Variants in UTP20 observed in about 807,000 individuals in gnomAD.
UTP20 encodes UTP20 small subunit processome component.
In UTP20, 164 loss-of-function variants were observed where a neutral mutation model predicts 329.5. That is an observed-to-expected ratio of 0.50 (90% CI 0.44 to 0.57). UTP20 has a LOEUF of 0.57. Among genes scored for constraint, UTP20 ranks in the 20% least tolerant of loss-of-function variants. UTP20 has a pLI of 0.00. For synonymous variants in UTP20, 1,151 were observed against 1,159.3 expected (o/e 0.99, Z 0.14); for missense variants, 3,055 against 3,284.2 (o/e 0.93, Z 1.71).
intron 38 of UTP20, among the ~76,000 whole-genome samples, chr12:101,349,014 A>G (rs1869425718): frequency 6.6e-6 from 1 of 151,828 alleles, no homozygotes; most frequent in Non-Finnish European, 1.5e-5. Context: ...TTCTAGATTG[A>G]CAGGTTTATT....
rs549641642 is a variant in UTP20 at position 101,310,577 on chromosome 12, C to CAAAAAAAAAAAAAAAA, written c.2231+744_2231+759dup. On this transcript the variant is annotated intron_variant, in intron 19 of 61. Transcript: ENST00000261637. ...GCAACAAGAGTGAAACTCTGTCTCCCAAAAAAAAAAAAAAAAAAAAATACA... is the reference window on the plus strand; with the variant it reads ...GCAACAAGAGTGAAACTCTGTCTCCCAAAAAAAAAAAAAAAAAAAAAAAAAAAAAAAAAAAAATACA... Among the ~76,000 whole-genome samples the CAAAAAAAAAAAAAAAA allele has an allele frequency of 4.5e-4, 20 of 44,364 alleles. 1 individual carries two copies. Among genetic ancestry groups the CAAAAAAAAAAAAAAAA allele is most frequent in the African/African-American group, 1.3e-3 (12 of 9,140 alleles). 29.1% of individuals were successfully genotyped at this position (44,364 alleles called of 152,430 possible). A position where few individuals can be genotyped will look rare whatever the true frequency, so the allele number is the denominator to read the frequency against.
At position 101,385,497 on chromosome 12, in the gene UTP20, A is replaced by T. The variant is rs893004126; in HGVS notation, c.8057-86A>T. On this transcript the variant is annotated intron_variant, in intron 60 of 61. Coordinates refer to ENST00000261637, the MANE Select transcript of UTP20 (RefSeq NM_014503.3). ...CTTGCCAGATCAGTAGCTGGATATA[A>T]ATGTTGTACATATTGTTGATTTTGT... 3 of 1,458,326 alleles carry T rather than the reference A, an allele frequency of 2.1e-6. No individual in the cohort carries two copies. In the African/African-American group the frequency reaches 4.3e-5, roughly 21 times the overall value. The allele number at this position is 1,458,326 out of a possible 1,614,324, so 90.3% of individuals were successfully genotyped here. A position where few individuals can be genotyped will look rare whatever the true frequency, so the allele number is the denominator to read the frequency against.
At chr12:101,297,301 G>A (rs888117000) in intron 12 of UTP20, among the ~76,000 whole-genome samples, 6 of 152,042 alleles carry the variant, frequency 3.9e-5, no homozygotes, top group African/African-American at 1.2e-4. Flanking sequence ...CTGCAGCCTC[G>A]ATCTCCAGGG....
chr12:101,335,868 A>G (rs1425834422), intron 29 of UTP20, among the ~76,000 whole-genome samples: 1 of 152,214 alleles, frequency 6.6e-6, no homozygotes, highest in African/African-American at 2.4e-5. Context: ...CAGCAATTTT[A>G]TATCTTTATC....
rs767524170 is a variant in UTP20, at chr12:101,300,054, T to G, written c.1668T>G (p.Phe556Leu). 6.2e-7 allele frequency: 1 copy of G among 1,614,132 alleles called. No homozygotes were observed. The highest frequency in any genetic ancestry group is 8.5e-7 in the Non-Finnish European group (1 of 1,179,960). Reference sequence around the variant, plus strand: ...TCATGACTGTTGACAAAGGAAGCTTTGGGAAAGGTCAGTTACAATCATCAT... The same window carrying G: ...TCATGACTGTTGACAAAGGAAGCTTGGGGAAAGGTCAGTTACAATCATCAT... ...ALFMTVDKGS[F>L]GKGNLFVLCQ... is the part of the protein sequence containing the mutation. The change falls in exon 14 of 62, where the codon TTT becomes TTG. Residue 556 changes from phenylalanine (F) to leucine (L), a missense_variant. Phe to Leu is a conservative substitution (Grantham distance 22, BLOSUM62 0). Around this residue, in one of 3 missense-constraint regions of UTP20, gnomAD observed 2,445 missense variants for 2,575.5 expected, o/e 0.95. Coordinates refer to ENST00000261637, the MANE Select transcript of UTP20 (RefSeq NM_014503.3).
At chr12:101,353,388 T>C (rs1869603955) in intron 40 of UTP20, among the ~76,000 whole-genome samples, 1 of 152,170 alleles carries the variant, frequency 6.6e-6, no homozygotes, top group African/African-American at 2.4e-5. Context: ...AAATCCAATT[T>C]TATCACCTTC....
At chr12:101,293,880 C>CT (rs1872254058) in intron 11 of UTP20, among the ~76,000 whole-genome samples, 1 of 151,850 alleles carries the variant, frequency 6.6e-6, no homozygotes, top group South Asian at 2.1e-4. Context: ...TCCCTTTGGT[C>CT]TTTTTATTTT....
intron 60 of UTP20, among the ~76,000 whole-genome samples, 198 bp downstream of exon 60, chr12:101,383,867 TAA>T (rs1816984220): frequency 6.6e-6 from 1 of 150,514 alleles, no homozygotes; most frequent in African/African-American, 2.4e-5. Context: ...CACATACATT[TAA>T]AAAAGAGAGA....
chr12:101,320,806 T>C, intron 23 of UTP20, 46 bp from the exon 24 acceptor site: 2 of 1,501,878 alleles, frequency 1.3e-6, no homozygotes, highest in Non-Finnish European at 1.8e-6. Flanking sequence ...TATCCTATGG[T>C]ATATGTATAT....
intron 49 of UTP20, among the ~76,000 whole-genome samples, chr12:101,370,109 A>C (rs567367701): frequency 6.6e-6 from 1 of 151,936 alleles, no homozygotes; most frequent in Non-Finnish European, 1.5e-5. Context: ...AGTCCCAGCT[A>C]CTTGGGATGC....
chr12:101,297,134 C>T (rs1872382517), intron 12 of UTP20, among the ~76,000 whole-genome samples: 1 of 152,172 alleles, frequency 6.6e-6, no homozygotes, highest in Non-Finnish European at 1.5e-5. Context: ...TACTGTCCCA[C>T]AGTCACAGAG....
At chr12:101,357,118 T>C (rs1488816037) in intron 43 of UTP20, 36 bp downstream of exon 43, 2 of 1,568,732 alleles carry the variant, frequency 1.3e-6, no homozygotes, top group African/African-American at 2.7e-5. Context: ...TCAAGTTGTA[T>C]TGGAGTTAAA....
intron 57 of UTP20, among the ~76,000 whole-genome samples, 174 bp downstream of exon 57, chr12:101,379,732 G>GT (rs967676744): frequency 6.6e-6 from 1 of 152,096 alleles, no homozygotes; most frequent in Admixed American, 6.5e-5. Context: ...CAAGGCCAGG[G>GT]TTTTTTCAAA....
At chr12:101,382,818 C>A (rs1382688031) in intron 58 of UTP20, among the ~76,000 whole-genome samples, 1 of 151,058 alleles carries the variant, frequency 6.6e-6, no homozygotes, top group Non-Finnish European at 1.5e-5. Context: ...GCACCACTGC[C>A]CTCAGCCTGG....
intron 2 of UTP20, among the ~76,000 whole-genome samples, chr12:101,284,167 G>T (rs886992133): frequency 1.3e-5 from 2 of 152,006 alleles, no homozygotes; most frequent in African/African-American, 4.8e-5. Context: ...GTGATGCTGA[G>T]GTTTGGAGTA....
In UTP20 at chr12:101,375,858, A is replaced by G. The variant is rs186268822; in HGVS notation, c.7396+102A>G. 310 of 712,966 alleles carry G rather than the reference A, an allele frequency of 4.3e-4. 1 individual carries two copies. The African/African-American group carries it at 5.1e-3, about 12-fold the overall frequency. The allele number at this position is 712,966 out of a possible 1,614,324, so 44.2% of individuals were successfully genotyped here. ...AATATGAATACTTCAGAAAGTATACAATGTCAGGAAAAGAGTCCATGAGAA... is the reference window on the plus strand; with the variant it reads ...AATATGAATACTTCAGAAAGTATACGATGTCAGGAAAAGAGTCCATGAGAA... On this transcript the variant is annotated intron_variant, in intron 56 of 61. Coordinates refer to ENST00000261637, the MANE Select transcript of UTP20 (RefSeq NM_014503.3).
At chr12:101,378,133 G>T (rs977045804) in intron 56 of UTP20, among the ~76,000 whole-genome samples, 4 of 152,208 alleles carry the variant, frequency 2.6e-5, no homozygotes, top group African/African-American at 9.6e-5. Context: ...GAGTTTGAAG[G>T]TCAGATCAAG....
chr12:101,350,468 T>C (rs1245626087), intron 38 of UTP20, among the ~76,000 whole-genome samples: 3 of 152,186 alleles, frequency 2.0e-5, no homozygotes, highest in Non-Finnish European at 4.4e-5. Context: ...TAATTTCTTA[T>C]TAGGTGCCAG....
Position 101,362,574 on chromosome 12 carries a change from C to T in UTP20, c.5790+514C>T, listed in dbSNP as rs995802276. ...CAAAAACTAGCCAGGCATGGTGATG[C>T]GCACCTGTAATCCCAGCTACCCAGG... On this transcript the variant is annotated intron_variant, in intron 44 of 61. Transcript: ENST00000261637. 3.2e-4 allele frequency among the ~76,000 whole-genome samples: 34 copies of T among 104,852 alleles called. 12 individuals are homozygous for T. The African/African-American group carries it at 3.5e-3, about 11-fold the overall frequency. The allele number at this position is 104,852 out of a possible 152,430, so 68.8% of individuals were successfully genotyped here. A position where few individuals can be genotyped will look rare whatever the true frequency, so the allele number is the denominator to read the frequency against.
Sources: allele counts gnomAD v4.1 joint callset (sites outside exome capture counted in the v4.1 genomes callset), GRCh38; gene constraint gnomAD v4.1.1; regional missense constraint gnomAD v4.1.1; transcripts MANE v1.5; gene names NCBI Gene and HGNC (gene_info 2026-07-23, HGNC 2026-07-21).